Variants in ANKMY1 observed in about 807,000 individuals in gnomAD.
ANKMY1 encodes the protein ankyrin repeat and MYND domain containing 1.
In ANKMY1, 98 loss-of-function variants were observed where a neutral mutation model predicts 102.0. The observed-to-expected ratio is 0.96, with a 90% CI of 0.82 to 1.14. ANKMY1 has a LOEUF of 1.14. ANKMY1 is among the 50% of genes most tolerant of loss of function. The pLI is 0.00. For synonymous variants in ANKMY1, 582 were observed against 559.9 expected (o/e 1.04, Z -0.56); for missense variants, 1,330 against 1,347.6 (o/e 0.99, Z 0.20).
the ANKMY1 span, among the ~76,000 whole-genome samples, chr2:240,469,327 G>A: frequency 9.8e-5 from 15 of 152,294 alleles, no homozygotes; most frequent in African/African-American, 2.9e-4. Context: ...CTGCCTTCCC[G>A]GCCACACCTC....
chr2:240,555,294 C>T (rs1468218592), intron 2 of ANKMY1: 2 of 547,076 alleles, frequency 3.7e-6, no homozygotes, highest in Admixed American at 3.1e-5. Flanking sequence ...AGGAGAGATG[C>T]TGCCAGGCTC....
chr2:240,527,657 G>GATGAATGTTGCATGA, intron 5 of ANKMY1: 1 of 150,952 alleles, frequency 6.6e-6, no homozygotes, highest in East Asian at 2.0e-4. Context: ...CGGGTGGGTG[G>GATGAATGTTGCATGA]GTGGACAAAT....
chr2:240,557,777 T>A, intron 1 of ANKMY1, 104 bp downstream of exon 1: 37 of 628,540 alleles, frequency 5.9e-5, no homozygotes, highest in Non-Finnish European at 7.1e-5. Context: ...GGCCCCTCCC[T>A]GGGGTGGGGA....
intron 16 of ANKMY1, among the ~76,000 whole-genome samples, 159 bp from the exon 17 acceptor site, chr2:240,481,256 AC>A (rs1268517464): frequency 6.6e-6 from 1 of 151,382 alleles, no homozygotes; most frequent in African/African-American, 2.4e-5. Context: ...ACAGACAAAA[AC>A]CCCCAAGTCC....
At chr2:240,510,963 T>C (rs1417727920) in intron 11 of ANKMY1, among the ~76,000 whole-genome samples, 2 of 152,026 alleles carry the variant, frequency 1.3e-5, no homozygotes, top group Non-Finnish European at 2.9e-5. Flanking sequence ...TCACTGTTCA[T>C]TCCTAACGTG....
At chr2:240,542,503 C>CAA (rs762420491) in intron 4 of ANKMY1, among the ~76,000 whole-genome samples, 1 of 117,210 alleles carries the variant, frequency 8.5e-6, no homozygotes, top group Non-Finnish European at 1.8e-5. Context: ...GACTCCGTCT[C>CAA]AAAAAAAAAA....
At chr2:240,557,438 T>A (rs1284486515) in intron 1 of ANKMY1, 86 bp from the exon 2 acceptor site, 2 of 1,390,162 alleles carry the variant, frequency 1.4e-6, no homozygotes, top group African/African-American at 1.5e-5. Flanking sequence ...CCGCGGCCCC[T>A]GAGCCTCAGA....
intron 15 of ANKMY1, among the ~76,000 whole-genome samples, chr2:240,486,798 G>C (rs1265305800): frequency 6.6e-6 from 1 of 152,150 alleles, no homozygotes; most frequent in Non-Finnish European, 1.5e-5. Context: ...ACAGGCATGA[G>C]AGCCACCATG....
Position 240,512,884 on chromosome 2 carries a change from T to C in ANKMY1, c.2063A>G (p.Gln688Arg). ...AAALPGEEGVQIVELLLHAIT... is the reference protein window; with the variant it reads ...AAALPGEEGVRIVELLLHAIT... ...GGCATGCAACAGCAGCTCCACAATC[T>C]GTACCCCCTCCTCCCCAGGAAGGGC... Residue 688 changes from glutamine to arginine, a missense_variant, in exon 10 of 18, where the codon CAG (glutamine) becomes CGG (arginine). Coordinates refer to ENST00000401804, the MANE Select transcript of ANKMY1 (RefSeq NM_001282771.3). The C allele has an allele frequency of 6.2e-7, 1 of 1,614,024 alleles. No individual in the cohort carries two copies. Among genetic ancestry groups the C allele is most frequent in the Non-Finnish European group, 8.5e-7 (1 of 1,179,974 alleles).
chr2:240,521,275 A>C (rs2082196274), intron 8 of ANKMY1, among the ~76,000 whole-genome samples: 2 of 152,170 alleles, frequency 1.3e-5, no homozygotes, highest in East Asian at 3.9e-4. Flanking sequence ...TGAGCACTTG[A>C]GCAGCAGCCT....
chr2:240,509,587 C>A, intron 11 of ANKMY1, 132 bp from the exon 12 acceptor site: 1 of 654,524 alleles, frequency 1.5e-6, no homozygotes, highest in Non-Finnish European at 2.6e-6. Flanking sequence ...CATTACCTTG[C>A]CTGACACAAG....
intron 13 of ANKMY1, among the ~76,000 whole-genome samples, chr2:240,502,283 C>T (rs769630380): frequency 1.6e-4 from 25 of 151,896 alleles, no homozygotes; most frequent in Non-Finnish European, 3.2e-4. Context: ...CCTACCCCAC[C>T]CCACCCCCAG....
At chr2:240,527,664 AAATG>A (rs2084026512) in intron 5 of ANKMY1, 3 of 11,376 alleles carry the variant, frequency 2.6e-4, no homozygotes, top group Admixed American at 1.1e-3. Flanking sequence ...GTGGGTGGAC[AAATG>A]GGTAGGTGGG....
Position 240,522,125 on chromosome 2 carries a change from A to G in ANKMY1, c.1833-1592T>C, listed in dbSNP as rs565857073. 8.0e-5 allele frequency: 12 copies of G among 149,888 alleles called. No homozygotes were observed. The South Asian group carries it at 1.7e-3, about 21-fold the overall frequency. The allele number at this position is 149,888 out of a possible 1,614,324, so 9.3% of individuals were successfully genotyped here. A position where few individuals can be genotyped will look rare whatever the true frequency, so the allele number is the denominator to read the frequency against. Reference sequence around the variant, plus strand: ...TACAGACCACTGATTGGTCCATTTTACAGAACGCTGATTGGTCAATTTTAC... The same window carrying G: ...TACAGACCACTGATTGGTCCATTTTGCAGAACGCTGATTGGTCAATTTTAC... On this transcript the variant is annotated intron_variant, in intron 8 of 17. Transcript: ENST00000401804.
At chr2:240,555,134 C>T (rs1433063671) in intron 2 of ANKMY1, 79 bp from the exon 3 acceptor site, 1 of 1,437,658 alleles carries the variant, frequency 7.0e-7, no homozygotes. Context: ...AACCCCCGAG[C>T]ACAACCCAGC....
At position 240,511,854 on chromosome 2, in the gene ANKMY1, C is replaced by T; in HGVS notation, c.2286+7G>A. ...CTGTGCCCCCGCCAGGCCCTGGCTG[C>T]CCTCACCTTGTTGTCATCCTCCCGC... On this transcript the variant is annotated splice_region_variant and intron_variant, in intron 11 of 17. Coordinates refer to ENST00000401804, the MANE Select transcript of ANKMY1 (RefSeq NM_001282771.3). 1 of 1,582,074 alleles carries T rather than the reference C, an allele frequency of 6.3e-7. No homozygotes were observed. Among genetic ancestry groups the T allele is most frequent in the Non-Finnish European group, 8.5e-7 (1 of 1,172,656 alleles).
intron 15 of ANKMY1, among the ~76,000 whole-genome samples, chr2:240,485,911 T>G (rs1046481218): frequency 2.0e-5 from 3 of 152,208 alleles, no homozygotes; most frequent in African/African-American, 7.2e-5. Context: ...GAATCTTGAC[T>G]GGTCATAATC....
rs371764320 is a variant in ANKMY1, at chr2:240,529,235, T to C, written c.755A>G (p.Asn252Ser). ...ATACATTTCTGGAGGCAGCGTTAGG[T>C]TGTCATTCAGAAGAAACCGCTTATA... ...YDYKRFLLNDNLTLPPEMYVY... is the reference protein window; with the variant it reads ...YDYKRFLLNDSLTLPPEMYVY... Residue 252 changes from asparagine to serine, a missense_variant, in exon 5 of 18, where the codon AAC becomes AGC. By Grantham distance (46) the Asn-to-Ser change is conservative. Transcript: ENST00000401804. This position sits in a 1 kb window ranked among gnomAD's most constrained non-coding sequence, Gnocchi z 4.2. 54 of 1,613,966 alleles carry C rather than the reference T, an allele frequency of 3.3e-5. No individual in the cohort carries two copies. In the East Asian group the frequency reaches 9.8e-4, roughly 29 times the overall value.
intron 4 of ANKMY1, among the ~76,000 whole-genome samples, chr2:240,547,246 T>C (rs2090572505): frequency 6.6e-6 from 1 of 152,100 alleles, no homozygotes; most frequent in Admixed American, 6.6e-5. Context: ...ACTGAACAAC[T>C]TGCTCCTGAA....
Sources: allele counts gnomAD v4.1 joint callset (sites outside exome capture counted in the v4.1 genomes callset), GRCh38; gene constraint gnomAD v4.1.1; non-coding constraint Gnocchi (gnomAD v3.1); transcripts MANE v1.5; gene names NCBI Gene and HGNC (gene_info 2026-07-23, HGNC 2026-07-21).